The following MZT2A variants were observed in gnomAD, a reference collection of about 807,000 sequenced individuals.
The protein encoded by MZT2A is mitotic-spindle organizing protein 2A.
MZT2A carries 8 observed loss-of-function variants against 12.4 expected under a neutral mutation model. That is an observed-to-expected ratio of 0.64 (90% CI 0.38 to 1.16). The LOEUF (loss-of-function observed/expected upper bound fraction) is 1.16, where lower values mean the gene tolerates loss of function less well. Among genes scored for constraint, MZT2A ranks in the 50% most tolerant of loss-of-function variants. The pLI is 0.01. For missense variants in MZT2A, 181 were observed against 223.6 expected, an observed-to-expected ratio of 0.81 and a Z score of 1.22; for synonymous variants, 88 against 107.5, an observed-to-expected ratio of 0.82 and a Z score of 1.12.
chr2:131,490,216 C>G (rs544277645), intron 2 of MZT2A: 19 of 789,826 alleles, frequency 2.4e-5, no homozygotes, highest in Admixed American at 5.7e-5. Flanking sequence ...AGGAGTGAGG[C>G]GGGCAAGGGG....
downstream of MZT2A, chr2:131,479,183 C>T: frequency 7.0e-7 from 1 of 1,433,880 alleles, no homozygotes; most frequent in Non-Finnish European, 9.3e-7. Context: ...CCACTGTTGA[C>T]CTATGACATG....
chr2:131,479,353 A>G, downstream of MZT2A: 1 of 1,614,186 alleles, frequency 6.2e-7, no homozygotes, highest in Non-Finnish European at 8.5e-7. Context: ...CACCCGGAGC[A>G]GCTGATCACC....
upstream of MZT2A, chr2:131,492,909 G>A (rs749572377): frequency 2.6e-6 from 4 of 1,515,134 alleles, no homozygotes; most frequent in Non-Finnish European, 3.6e-6. Flanking sequence ...TTCAGCTAAG[G>A]ACCACTCCCT....
chr2:131,486,657 GCT>G (rs1488342744), intron 2 of MZT2A: 2 of 150,950 alleles, frequency 1.3e-5, no homozygotes, highest in African/African-American at 4.9e-5. Flanking sequence ...ACTGAGTCTT[GCT>G]CTGTCACCTG....
chr2:131,490,585 G>A (rs1679251969), intron 2 of MZT2A: 1 of 1,534,338 alleles, frequency 6.5e-7, no homozygotes, highest in Non-Finnish European at 8.8e-7. Context: ...TGGCTAAGCG[G>A]CAGGGCAGCG....
chr2:131,473,615 A>C (rs946260113), intron 2 of MZT2A, among the ~76,000 whole-genome samples: 7 of 146,312 alleles, frequency 4.8e-5, no homozygotes, highest in Non-Finnish European at 7.4e-5. Context: ...GGATGGAAGA[A>C]TCAAACTGGG....
chr2:131,481,260 C>CTTTA (rs548434341), downstream of MZT2A, among the ~76,000 whole-genome samples: 388 of 151,450 alleles, frequency 2.6e-3, 1 homozygote, highest in Admixed American at 3.9e-3. Flanking sequence ...CTGTGGTGAG[C>CTTTA]TTTATTTATT....
At chr2:131,482,988 A>G (rs1482348515), downstream of MZT2A, 3 of 1,431,120 alleles carry the variant, frequency 2.1e-6, no homozygotes, top group African/African-American at 2.9e-5. Flanking sequence ...GTGGGACCCT[A>G]GAGCCTGCAT....
chr2:131,491,979 G>C lies in MZT2A; in HGVS notation c.216C>G (p.Val72=), dbSNP rs775719437. 50 of 1,551,878 alleles carry C rather than the reference G, an allele frequency of 3.2e-5. No individual in the cohort carries two copies. The East Asian group carries it at 5.3e-4, about 16-fold the overall frequency. ...LLKLNVAPLA[V]FQMLKSMCAG... ...CACACATGGACTTGAGCATCTGGAA[G>C]ACGGCGAGGGGGGCCACGTTCAGCT... The change falls in exon 2 of 3, where the codon GTC becomes GTG. Residue 72 remains valine (V), a synonymous_variant. Transcript: ENST00000309451.
chr2:131,470,125 C>T (rs1704952933), intron 4 of MZT2A: 4 of 395,074 alleles, frequency 1.0e-5, no homozygotes, highest in South Asian at 8.3e-5. Context: ...TCTTTCTGAG[C>T]TTCTTGGATC....
upstream of MZT2A, chr2:131,493,010 A>G (rs1309879637): frequency 3.3e-6 from 5 of 1,501,550 alleles, no homozygotes; most frequent in African/African-American, 5.6e-5. Flanking sequence ...GTAACGGCCC[A>G]AAGAGGTAGA....
chr2:131,492,164 G>A (rs767548418), intron 1 of MZT2A, 43 bp downstream of exon 1: 1 of 1,535,586 alleles, frequency 6.5e-7, no homozygotes, highest in African/African-American at 1.4e-5. Flanking sequence ...AGCAGAGGTC[G>A]GGGGTGTCTG....
chr2:131,491,275 G>T, intron 2 of MZT2A: 1 of 329,306 alleles, frequency 3.0e-6, no homozygotes, highest in South Asian at 3.0e-5. Context: ...GACCCCGCAG[G>T]CCTCTGCACC....
downstream of MZT2A, chr2:131,480,003 T>C: frequency 1.3e-6 from 2 of 1,519,214 alleles, no homozygotes; most frequent in Non-Finnish European, 1.8e-6. Context: ...GAAGCGGCCC[T>C]GGCTTGTTGG....
rs754392701 is a variant in MZT2A at position 131,484,042 on chromosome 2, G to C, written c.*19C>G. ...TAGCCTTTGCTGGGGACAAAGATGT[G>C]ACAAGTCTCTGCCCCATCCTAGGTG... On this transcript the variant is annotated 3_prime_UTR_variant, in exon 3 of 3. Transcript: ENST00000309451. 40 of 1,587,914 alleles carry C rather than the reference G, an allele frequency of 2.5e-5. 1 individual carries two copies. The South Asian group carries it at 4.1e-4, about 16-fold the overall frequency.
chr2:131,490,913 C>T (rs752649818), intron 2 of MZT2A: 3 of 1,549,784 alleles, frequency 1.9e-6, no homozygotes, highest in Non-Finnish European at 2.6e-6. Context: ...GAGAGAGACA[C>T]AAAGAGAGCA....
At chr2:131,478,197 G>A in intron 2 of MZT2A, 1 of 1,614,036 alleles carries the variant, frequency 6.2e-7, no homozygotes, top group Non-Finnish European at 8.5e-7. Context: ...GGGGCAGGCG[G>A]GTGTCCAGAT....
chr2:131,493,201 C>T (rs1679422530), upstream of MZT2A: 3 of 1,387,320 alleles, frequency 2.2e-6, no homozygotes, highest in Middle Eastern at 6.6e-4. Flanking sequence ...CCGCGAGCCC[C>T]TGCGGAGGCC....
intron 2 of MZT2A, among the ~76,000 whole-genome samples, chr2:131,474,702 G>A (rs1020294278): frequency 4.7e-5 from 7 of 150,242 alleles, no homozygotes; most frequent in African/African-American, 1.5e-4. Context: ...GAGCCACCAC[G>A]CCTGACCCAA....
Sources: gnomAD v4.1 joint callset for allele counts (sites outside exome capture counted in the v4.1 genomes callset) on GRCh38, gnomAD v4.1.1 for gene constraint, MANE v1.5 for transcripts, NCBI Gene and HGNC (gene_info 2026-07-23, HGNC 2026-07-21) for gene names.